NME7: variants seen among roughly 807,000 people sequenced by gnomAD.
The protein encoded by NME7 is nucleoside diphosphate kinase 7.
A neutral mutation model predicts 49.1 loss-of-function variants in NME7; 41 were observed. The ratio of observed to expected loss-of-function variants is 0.83; its 90% CI spans 0.65 to 1.08. The LOEUF is 1.08. Among genes scored for constraint, NME7 ranks in the 50% least tolerant of loss-of-function variants. The pLI is 0.00. For missense variants in NME7, 423 were observed against 463.4 expected, an observed-to-expected ratio of 0.91 and a Z score of 0.80; for synonymous variants, 139 against 150.6, an observed-to-expected ratio of 0.92 and a Z score of 0.56.
At chr1:169,155,376 G>A (rs1272701518) in intron 11 of NME7, among the ~76,000 whole-genome samples, 1 of 152,232 alleles carries the variant, frequency 6.6e-6, no homozygotes, top group African/African-American at 2.4e-5. Flanking sequence ...CCACCCTGGG[G>A]AAGGGGCAGT....
At chr1:169,163,754 G>A (rs558529437) in intron 11 of NME7, among the ~76,000 whole-genome samples, 146 of 152,150 alleles carry the variant, frequency 9.6e-4, no homozygotes, top group Middle Eastern at 6.8e-3. Context: ...ACTCTCAAAT[G>A]TTCATAAAAA....
chr1:169,194,445 G>C (rs946781096), intron 10 of NME7, among the ~76,000 whole-genome samples: 1 of 152,178 alleles, frequency 6.6e-6, no homozygotes, highest in Non-Finnish European at 1.5e-5. Flanking sequence ...GATCAGGAGA[G>C]TGAGAGATAA....
intron 10 of NME7, among the ~76,000 whole-genome samples, chr1:169,227,670 A>T (rs1647402237): frequency 6.6e-6 from 1 of 152,040 alleles, no homozygotes; most frequent in African/African-American, 2.4e-5. Flanking sequence ...CTTCTCATAA[A>T]GCCACTAGTC....
intron 10 of NME7, among the ~76,000 whole-genome samples, chr1:169,210,535 T>C (rs1208781619): frequency 6.6e-6 from 1 of 152,138 alleles, no homozygotes; most frequent in Non-Finnish European, 1.5e-5. Flanking sequence ...GTTGTTTAGA[T>C]AGTCCTTCTG....
At chr1:169,290,141 G>A (rs1650441775) in intron 6 of NME7, among the ~76,000 whole-genome samples, 1 of 152,024 alleles carries the variant, frequency 6.6e-6, no homozygotes, top group Admixed American at 6.6e-5. Context: ...TTTTCACGCT[G>A]ATAGGATTTC....
chr1:169,287,959 T>C (rs975451174), intron 6 of NME7, among the ~76,000 whole-genome samples: 1 of 148,742 alleles, frequency 6.7e-6, no homozygotes, highest in Non-Finnish European at 1.5e-5. Flanking sequence ...TTCACTAAAA[T>C]GACAACACAA....
At chr1:169,317,185 G>C (rs892172893) in intron 3 of NME7, among the ~76,000 whole-genome samples, 1 of 151,980 alleles carries the variant, frequency 6.6e-6, no homozygotes, top group Non-Finnish European at 1.5e-5. Context: ...AAGTATAAAA[G>C]AGATGGCAAA....
At chr1:169,148,570 C>T (rs1005113768) in intron 11 of NME7, among the ~76,000 whole-genome samples, 2 of 152,170 alleles carry the variant, frequency 1.3e-5, no homozygotes, top group African/African-American at 2.4e-5. Context: ...TTCTAAGTCA[C>T]CTCCTAGAAT....
intron 10 of NME7, among the ~76,000 whole-genome samples, chr1:169,193,759 G>A (rs76024187): frequency 0.018 from 2,791 of 152,160 alleles, 42 homozygotes; most frequent in Non-Finnish European, 0.03. Flanking sequence ...CTGTGATAGG[G>A]ACATGTCTGA....
chr1:169,222,427 T>C (rs2101807839), intron 10 of NME7, among the ~76,000 whole-genome samples: 1 of 152,294 alleles, frequency 6.6e-6, no homozygotes, highest in Non-Finnish European at 1.5e-5. Flanking sequence ...CTTAGCTTCC[T>C]GGAAACTAAA....
chr1:169,307,263 T>C (rs1651206431), intron 4 of NME7, among the ~76,000 whole-genome samples: 1 of 152,194 alleles, frequency 6.6e-6, no homozygotes, highest in African/African-American at 2.4e-5. Context: ...AAACTAAAAA[T>C]GTGCGGGCAA....
In NME7 at chr1:169,190,899, G is replaced by A. The variant is rs1336266667; in HGVS notation, c.991-21345C>T. On this transcript the variant is annotated intron_variant, in intron 10 of 11. Coordinates refer to ENST00000367811, the MANE Select transcript of NME7 (RefSeq NM_013330.5). ...GGGATCTCGGCTCACTGCAAGCTCC[G>A]CCTCCCGGGTTCACGCCATTCTCCT... Among the ~76,000 whole-genome samples the A allele has an allele frequency of 2.2e-4, 13 of 57,790 alleles. 2 individuals carry two copies. The highest frequency in any genetic ancestry group is 1.9e-4 in the Non-Finnish European group (5 of 26,654). The allele number at this position is 57,790 out of a possible 152,430, so 37.9% of individuals were successfully genotyped here.
Position 169,257,149 on chromosome 1 carries a change from G to C in NME7, c.755-19462C>G, listed in dbSNP as rs1275242643. Among the ~76,000 whole-genome samples the C allele has an allele frequency of 1.9e-4, 26 of 134,868 alleles. 3 individuals carry two copies. The highest frequency in any genetic ancestry group is 6.5e-4 in the African/African-American group (26 of 39,776). 88.5% of individuals were successfully genotyped at this position (134,868 alleles called of 152,430 possible). A position where few individuals can be genotyped will look rare whatever the true frequency, so the allele number is the denominator to read the frequency against. On this transcript the variant is annotated intron_variant, in intron 7 of 11. Coordinates refer to ENST00000367811, the MANE Select transcript of NME7 (RefSeq NM_013330.5). ...TAATCAAGCCTGAGCAATGGCGGGC[G>C]CCCCTCCCCCAGCCTCGCTGCCACC...
chr1:169,278,624 TG>T (rs1336989526), intron 7 of NME7, among the ~76,000 whole-genome samples: 2 of 152,212 alleles, frequency 1.3e-5, no homozygotes, highest in Non-Finnish European at 2.9e-5. Flanking sequence ...TCTTTGCCTT[TG>T]ATTTGAATTT....
chr1:169,328,257 T>C (rs1052202029), intron 1 of NME7, among the ~76,000 whole-genome samples: 6 of 152,206 alleles, frequency 3.9e-5, no homozygotes, highest in African/African-American at 1.2e-4. Flanking sequence ...CAAGACTTAA[T>C]GTCTCTAACT....
intron 10 of NME7, among the ~76,000 whole-genome samples, chr1:169,219,243 T>C (rs2101803853): frequency 6.6e-6 from 1 of 152,252 alleles, no homozygotes; most frequent in East Asian, 1.9e-4. Context: ...ATCTGCAAAG[T>C]CAACCAACCA....
Position 169,132,751 on chromosome 1 carries a change from G to A in NME7, c.*34C>T, listed in dbSNP as rs1658270745. The A allele has an allele frequency of 6.2e-7, 1 of 1,601,856 alleles. No homozygotes were observed. The highest frequency in any genetic ancestry group is 1.3e-5 in the African/African-American group (1 of 74,540). On this transcript the variant is annotated 3_prime_UTR_variant, in exon 12 of 12. Transcript: ENST00000367811. ...GTGTGTGATTCACTCTTGTCTAAAT[G>A]TCCCAACCTGTGACTTCTTTACTTT...
At position 169,365,296 on chromosome 1, in the gene NME7, T is replaced by C. The variant is rs928960386; in HGVS notation, c.3+2412A>G. Among the ~76,000 whole-genome samples the C allele has an allele frequency of 7.9e-5, 12 of 152,214 alleles. 1 individual carries two copies. The highest frequency in any genetic ancestry group is 2.7e-4 in the African/African-American group (11 of 41,450). The stretch of plus-strand genomic sequence containing the variant: ...AGGCGGATTTTAGAAATATTTCCCA[T>C]CCTTCCACTCAACTGCCTTGCCTCC... On this transcript the variant is annotated intron_variant, in intron 1 of 11. Transcript: ENST00000367811.
intron 7 of NME7, chr1:169,284,190 T>C (rs867352656): frequency 2.0e-5 from 3 of 152,126 alleles, no homozygotes; most frequent in Non-Finnish European, 2.9e-5. Flanking sequence ...TTTTATTTCA[T>C]TAAGTTGATC....
Sources: gnomAD v4.1 joint callset for allele counts (sites outside exome capture counted in the v4.1 genomes callset) on GRCh38, gnomAD v4.1.1 for gene constraint, MANE v1.5 for transcripts, NCBI Gene and HGNC (gene_info 2026-07-23, HGNC 2026-07-21) for gene names.